The following RTL4 variants were observed in gnomAD, a reference collection of about 807,000 sequenced individuals.
RTL4 encodes the protein retrotransposon Gag like 4, also known as retrotransposon Gag-like protein 4.
RTL4 carries 4 observed loss-of-function variants against 5.3 expected under a neutral mutation model. The observed-to-expected ratio is 0.75, with a 90% CI of 0.37 to 1.72. The LOEUF (loss-of-function observed/expected upper bound fraction) is 1.72. RTL4 is among the 40% of genes most tolerant of loss of function. The pLI is 0.04. For synonymous variants in RTL4, 98 were observed against 87.3 expected (o/e 1.12, Z -0.68); for missense variants, 260 against 227.1 (o/e 1.14, Z -0.93).
At chrX:112,287,846 T>G in the RTL4 span, among the ~76,000 whole-genome samples, 1 of 111,954 alleles carries the variant, frequency 8.9e-6, no homozygotes, top group South Asian at 3.7e-4. Context: ...GACCACAATT[T>G]AAATCTGACC....
chrX:112,276,987 G>C, the RTL4 span, among the ~76,000 whole-genome samples: 1 of 111,931 alleles, frequency 8.9e-6, no homozygotes, highest in East Asian at 2.8e-4. Flanking sequence ...TCAATGGTTT[G>C]AGCACCGAAT....
the RTL4 span, among the ~76,000 whole-genome samples, chrX:112,312,789 C>T: frequency 9.0e-6 from 1 of 111,255 alleles, no homozygotes; most frequent in Non-Finnish European, 1.9e-5. Context: ...CCACAGCTGC[C>T]TCCAGGTCCT....
chrX:112,219,395 T>C, the RTL4 span, among the ~76,000 whole-genome samples: 1 of 112,117 alleles, frequency 8.9e-6, no homozygotes, highest in African/African-American at 3.2e-5. Flanking sequence ...AAACAGATCC[T>C]CAAAAAACGG....
the RTL4 span, among the ~76,000 whole-genome samples, chrX:112,184,305 A>G: frequency 9.0e-6 from 1 of 111,222 alleles, no homozygotes; most frequent in African/African-American, 3.3e-5. Flanking sequence ...TACATATGCA[A>G]CAAACCTGCA....
chrX:112,108,613 G>T, the RTL4 span, among the ~76,000 whole-genome samples: 1 of 111,129 alleles, frequency 9.0e-6, no homozygotes, highest in Non-Finnish European at 1.9e-5. Flanking sequence ...TGACTCTTCC[G>T]GTATAGGCCT....
chrX:112,232,130 A>G, the RTL4 span, among the ~76,000 whole-genome samples: 2 of 111,751 alleles, frequency 1.8e-5, no homozygotes, highest in African/African-American at 6.5e-5. Context: ...AGGTTAAGAT[A>G]CAGGAGGGAA....
chrX:112,408,639 A>G, the RTL4 span, among the ~76,000 whole-genome samples: 1 of 111,712 alleles, frequency 9.0e-6, no homozygotes, highest in Admixed American at 9.5e-5. Context: ...TTTGAGAAAT[A>G]TATCAATATG....
the RTL4 span, among the ~76,000 whole-genome samples, chrX:112,268,678 G>T: frequency 9.0e-6 from 1 of 111,691 alleles, no homozygotes; most frequent in South Asian, 3.8e-4. Flanking sequence ...GGTACTATCT[G>T]TCTGTCCACT....
the RTL4 span, among the ~76,000 whole-genome samples, chrX:112,275,541 T>C: frequency 8.9e-6 from 1 of 112,120 alleles, no homozygotes; most frequent in East Asian, 2.8e-4. Flanking sequence ...GCGAGTTACT[T>C]AAATTTTCTG....
At chrX:112,381,285 G>A in the RTL4 span, 1 of 1,207,792 alleles carries the variant, frequency 8.3e-7, no homozygotes, top group Non-Finnish European at 1.1e-6. Flanking sequence ...TTTGCTGAGG[G>A]CCCCAGAAGG....
the RTL4 span, among the ~76,000 whole-genome samples, chrX:112,376,070 A>G: frequency 1.8e-5 from 2 of 111,249 alleles, no homozygotes; most frequent in South Asian, 7.7e-4. Context: ...ATTTTTGATA[A>G]TCATGATTGG....
chrX:112,121,748 T>C, the RTL4 span, among the ~76,000 whole-genome samples: 1 of 111,671 alleles, frequency 9.0e-6, no homozygotes, highest in Non-Finnish European at 1.9e-5. Flanking sequence ...CCAGATGGGC[T>C]TATTTCAGAC....
chrX:112,352,608 T>C, the RTL4 span, among the ~76,000 whole-genome samples: 1 of 111,422 alleles, frequency 9.0e-6, no homozygotes, highest in East Asian at 2.8e-4. Context: ...TAAGTGGTGC[T>C]GGGAAAACTG....
At chrX:112,202,385 T>C in the RTL4 span, among the ~76,000 whole-genome samples, 1 of 110,195 alleles carries the variant, frequency 9.1e-6, no homozygotes, top group Non-Finnish European at 1.9e-5. Context: ...CACAAGACCA[T>C]CTGTGTTACT....
At chrX:112,377,469 ACTG>A in the RTL4 span, among the ~76,000 whole-genome samples, 12 of 112,113 alleles carry the variant, frequency 1.1e-4, no homozygotes, top group African/African-American at 3.2e-4. Flanking sequence ...ACTGTGGCTC[ACTG>A]CTGCTGCCCA....
the RTL4 span, among the ~76,000 whole-genome samples, chrX:112,220,717 G>A: frequency 7.1e-5 from 8 of 112,043 alleles, no homozygotes; most frequent in African/African-American, 2.6e-4. Flanking sequence ...AGATCTCTAG[G>A]GCAGGGGCAA....
chrX:112,174,067 T>C, the RTL4 span, among the ~76,000 whole-genome samples: 1 of 108,792 alleles, frequency 9.2e-6, no homozygotes, highest in African/African-American at 3.3e-5. Flanking sequence ...TTTTTTTTTT[T>C]TGAGCTTCTT....
exon 1 of RTL4, chrX:112,456,677 A>G (rs971896393): frequency 1.2e-4 from 25 of 216,988 alleles, no homozygotes; most frequent in African/African-American, 6.1e-4. Context: ...AGAAGCCTCA[A>G]TGTAGTCACC....
At chrX:112,228,011 A>T in the RTL4 span, among the ~76,000 whole-genome samples, 1 of 111,486 alleles carries the variant, frequency 9.0e-6, no homozygotes, top group Non-Finnish European at 1.9e-5. Flanking sequence ...ACTCTCTGCT[A>T]GTCTGCACTG....
Sources: allele counts gnomAD v4.1 joint callset (sites outside exome capture counted in the v4.1 genomes callset), GRCh38; gene constraint gnomAD v4.1.1; transcripts MANE v1.5; gene names NCBI Gene and HGNC (gene_info 2026-07-23, HGNC 2026-07-21).